ABCC4: variants seen among roughly 807,000 people sequenced by gnomAD.
The protein encoded by ABCC4 is ATP-binding cassette sub-family C member 4.
Under a neutral mutation model 168.5 loss-of-function variants are expected in ABCC4, and 102 were observed. That is an observed-to-expected ratio of 0.61 (90% CI 0.52 to 0.71). The LOEUF is 0.71. Ranked by LOEUF, ABCC4 falls within the 30% of genes least tolerant of loss-of-function variation. The pLI is 0.00. For missense variants in ABCC4, 1,402 were observed against 1,605.8 expected (o/e 0.87, Z 2.17); for synonymous variants, 617 against 590.7 (o/e 1.04, Z -0.65).
In ABCC4 at chr13:95,206,637, G is replaced by A. The variant is rs764661404; in HGVS notation, c.1056C>T (p.Phe352=). 24 of 1,614,122 alleles carry A rather than the reference G, an allele frequency of 1.5e-5. No individual in the cohort carries two copies. Among genetic ancestry groups the A allele is most frequent in the South Asian group, 3.3e-5 (3 of 91,072 alleles). The part of the protein sequence containing the change: ...LGSVITASRV[F]VAVTLYGAVR... ...CAGCCCCATACAGCGTCACTGCCAC[G>A]AACACGCGGCTGGCTGTGATCACAC... is the stretch of plus-strand genomic sequence containing the variant. Residue 352 remains phenylalanine (F), a synonymous_variant, in exon 8 of 31, where the codon TTC becomes TTT. Coordinates refer to ENST00000645237, the MANE Select transcript of ABCC4 (RefSeq NM_005845.5).
chr13:95,227,148 G>A (rs2039488565), intron 4 of ABCC4, among the ~76,000 whole-genome samples: 1 of 152,146 alleles, frequency 6.6e-6, no homozygotes, highest in Admixed American at 6.5e-5. Context: ...ATTATCAGAT[G>A]ATGGGACGCA....
At chr13:95,144,883 G>A (rs979274371) in intron 19 of ABCC4, among the ~76,000 whole-genome samples, 6 of 151,770 alleles carry the variant, frequency 4.0e-5, no homozygotes, top group Admixed American at 3.9e-4. Context: ...AAACTATACT[G>A]AAATTCATAT....
At chr13:95,294,271 G>A (rs900133119) in intron 1 of ABCC4, among the ~76,000 whole-genome samples, 120 of 152,254 alleles carry the variant, frequency 7.9e-4, no homozygotes, top group African/African-American at 2.8e-3. Context: ...GCTAAGGCAA[G>A]AGAATCGCTT....
intron 1 of ABCC4, among the ~76,000 whole-genome samples, chr13:95,249,870 A>C (rs961614129): frequency 6.6e-6 from 1 of 152,240 alleles, no homozygotes; most frequent in East Asian, 1.9e-4. Flanking sequence ...CAGGCTGAAC[A>C]GTTAACTGCA....
intron 9 of ABCC4, among the ~76,000 whole-genome samples, chr13:95,189,549 G>A (rs1241925153): frequency 6.6e-6 from 1 of 152,142 alleles, no homozygotes; most frequent in African/African-American, 2.4e-5. Flanking sequence ...GGCATGCCCA[G>A]TCCTTGGCTA....
At chr13:95,296,041 A>C (rs1431259409) in intron 1 of ABCC4, among the ~76,000 whole-genome samples, 1 of 151,290 alleles carries the variant, frequency 6.6e-6, no homozygotes, top group Non-Finnish European at 1.5e-5. Context: ...GCTGAGCTGG[A>C]AGGATCACTT....
At chr13:95,083,685 C>T (rs2034172699) in intron 20 of ABCC4, among the ~76,000 whole-genome samples, 1 of 151,842 alleles carries the variant, frequency 6.6e-6, no homozygotes, top group Non-Finnish European at 1.5e-5. Context: ...TGTCACCATG[C>T]CTAATTTTTG....
intron 1 of ABCC4, among the ~76,000 whole-genome samples, chr13:95,301,028 G>C (rs545699300): frequency 6.6e-6 from 1 of 151,950 alleles, no homozygotes; most frequent in Non-Finnish European, 1.5e-5. Flanking sequence ...GTCCCCCTGC[G>C]CCGCGCCCCG....
rs374321145 is a variant in ABCC4 at position 95,230,930 on chromosome 13, A to G, written c.531+3680T>C. Among the ~76,000 whole-genome samples, 6 of 152,384 alleles carry G rather than the reference A, an allele frequency of 3.9e-5. No individual in the cohort carries two copies. The East Asian group carries it at 5.8e-4, about 15-fold the overall frequency. Reference sequence around the variant, plus strand: ...TAAACAAAATGAGGCATATCCAAATAGTGGAATATTATTCACTCTTTCAAA... The same window carrying G: ...TAAACAAAATGAGGCATATCCAAATGGTGGAATATTATTCACTCTTTCAAA... On this transcript the variant is annotated intron_variant, in intron 4 of 30. Transcript: ENST00000645237.
intron 19 of ABCC4, among the ~76,000 whole-genome samples, chr13:95,125,320 T>C (rs1388650708): frequency 4.6e-5 from 7 of 152,300 alleles, no homozygotes; most frequent in South Asian, 4.1e-4. Flanking sequence ...CAAATGACGA[T>C]GGCCAAAGCA....
chr13:95,190,234 G>T (rs2038211822), intron 9 of ABCC4, among the ~76,000 whole-genome samples: 1 of 152,110 alleles, frequency 6.6e-6, no homozygotes, highest in Non-Finnish European at 1.5e-5. Context: ...AGCTACTCAG[G>T]AGGATGAGGC....
intron 30 of ABCC4, among the ~76,000 whole-genome samples, chr13:95,031,211 A>G (rs2031861838): frequency 6.6e-6 from 1 of 152,246 alleles, no homozygotes; most frequent in Admixed American, 6.5e-5. Context: ...AAAATATTCA[A>G]CTTGGATGAG....
intron 26 of ABCC4, among the ~76,000 whole-genome samples, chr13:95,054,339 G>A (rs2016718986): frequency 6.6e-6 from 1 of 151,994 alleles, no homozygotes; most frequent in African/African-American, 2.4e-5. Flanking sequence ...GCCTCTTCCT[G>A]GATTTCAAGA....
intron 4 of ABCC4, among the ~76,000 whole-genome samples, chr13:95,227,130 C>T (rs1213337153): frequency 6.6e-6 from 1 of 152,188 alleles, no homozygotes; most frequent in Non-Finnish European, 1.5e-5. Flanking sequence ...CCCAGTGAAG[C>T]AAATACAATT....
chr13:95,149,950 G>A (rs2036619126), intron 19 of ABCC4, among the ~76,000 whole-genome samples: 1 of 152,144 alleles, frequency 6.6e-6, no homozygotes, highest in Admixed American at 6.5e-5. Context: ...ATCAACCAGG[G>A]GAGATATACT....
At chr13:95,229,183 A>G (rs1203816417) in intron 4 of ABCC4, among the ~76,000 whole-genome samples, 1 of 152,180 alleles carries the variant, frequency 6.6e-6, no homozygotes, top group African/African-American at 2.4e-5. Context: ...CAACACAGAA[A>G]TCTATAGAGA....
intron 20 of ABCC4, among the ~76,000 whole-genome samples, chr13:95,087,821 C>T (rs2034306676): frequency 6.6e-6 from 1 of 152,140 alleles, no homozygotes; most frequent in African/African-American, 2.4e-5. Context: ...CTCTGGTTCC[C>T]AGGTCCCACC....
chr13:95,251,849 A>C (rs2040271314), intron 1 of ABCC4, among the ~76,000 whole-genome samples: 1 of 152,216 alleles, frequency 6.6e-6, no homozygotes, highest in East Asian at 1.9e-4. Context: ...CGCTTTCCAC[A>C]GGTTGAGTTA....
intron 13 of ABCC4, among the ~76,000 whole-genome samples, chr13:95,176,358 G>T (rs867246212): frequency 2.6e-5 from 4 of 151,822 alleles, no homozygotes; most frequent in Middle Eastern, 3.4e-3. Context: ...AGCTGGGCAT[G>T]GTGGTGCTAG....
Sources: allele counts gnomAD v4.1 joint callset (sites outside exome capture counted in the v4.1 genomes callset), GRCh38; gene constraint gnomAD v4.1.1; transcripts MANE v1.5; gene names NCBI Gene and HGNC (gene_info 2026-07-23, HGNC 2026-07-21).